Variants in CNTN5 observed in about 807,000 individuals in gnomAD.
CNTN5 encodes contactin-5.
In CNTN5, 77 loss-of-function variants were observed where a neutral mutation model predicts 129.1. The ratio of observed to expected loss-of-function variants is 0.60; its 90% CI spans 0.50 to 0.72. CNTN5 has a LOEUF of 0.72. Among genes scored for constraint, CNTN5 ranks in the 30% least tolerant of loss-of-function variants. The pLI, the probability that CNTN5 is intolerant of heterozygous loss-of-function variation, is 0.00. For synonymous variants in CNTN5, 509 were observed against 465.6 expected (o/e 1.09, Z -1.20); for missense variants, 1,478 against 1,328.8 (o/e 1.11, Z -1.75).
At chr11:99,358,444 C>G (rs2136102123) in intron 2 of CNTN5, among the ~76,000 whole-genome samples, 1 of 150,890 alleles carries the variant, frequency 6.6e-6, no homozygotes, top group African/African-American at 2.4e-5. Context: ...ACCTGCAGTC[C>G]CAGTTACCAG....
chr11:99,918,598 C>A (rs951818029), intron 7 of CNTN5, among the ~76,000 whole-genome samples: 2 of 152,088 alleles, frequency 1.3e-5, no homozygotes, highest in African/African-American at 4.8e-5. Context: ...AAGTCACACA[C>A]CAATTAGCAT....
intron 4 of CNTN5, among the ~76,000 whole-genome samples, chr11:99,827,522 A>G (rs182772381): frequency 4.0e-4 from 61 of 152,318 alleles, no homozygotes; most frequent in African/African-American, 1.4e-3. Flanking sequence ...TTAAAAGGTA[A>G]AATTTAAAAC....
At position 99,934,898 on chromosome 11, in the gene CNTN5, GTATATATATATATA is replaced by G. The variant is rs200635742; in HGVS notation, c.673+18786_673+18799del. The stretch of plus-strand genomic sequence containing the variant: ...TGTGTGTGTGTGTGTGTGTGTGTGT[GTATATATATATATA>G]TATATATATATATATATATATATAT... On this transcript the variant is annotated intron_variant, in intron 7 of 24. Transcript: ENST00000524871. Among the ~76,000 whole-genome samples, 337 of 67,890 alleles carry G rather than the reference GTATATATATATATA, an allele frequency of 5.0e-3. 2 individuals are homozygous for G. The highest frequency in any genetic ancestry group is 7.5e-3 in the Middle Eastern group (1 of 134). The allele number at this position is 67,890 out of a possible 152,430, so 44.5% of individuals were successfully genotyped here.
chr11:100,100,769 G>C (rs888171636), intron 13 of CNTN5, among the ~76,000 whole-genome samples: 2 of 152,056 alleles, frequency 1.3e-5, no homozygotes, highest in Admixed American at 6.6e-5. Context: ...CTTAGAATTT[G>C]GTTAGCAGAT....
chr11:99,803,516 A>G (rs1233222358), intron 3 of CNTN5, among the ~76,000 whole-genome samples: 1 of 152,222 alleles, frequency 6.6e-6, no homozygotes. Flanking sequence ...GTATGTGCCC[A>G]GATTAAAAAT....
At chr11:100,009,930 G>T (rs868258823) in intron 9 of CNTN5, among the ~76,000 whole-genome samples, 5 of 152,126 alleles carry the variant, frequency 3.3e-5, no homozygotes, top group Admixed American at 3.3e-4. Context: ...ATTTCAAACC[G>T]GTTGGTGGCA....
At chr11:99,366,522 G>A (rs1939454029) in intron 2 of CNTN5, among the ~76,000 whole-genome samples, 1 of 152,002 alleles carries the variant, frequency 6.6e-6, no homozygotes, top group African/African-American at 2.4e-5. Context: ...AAATATTTTT[G>A]CAAAAAGACA....
intron 7 of CNTN5, among the ~76,000 whole-genome samples, chr11:99,928,377 G>A (rs1214981532): frequency 6.6e-6 from 1 of 152,178 alleles, no homozygotes; most frequent in African/African-American, 2.4e-5. Context: ...TCCCACATTT[G>A]CCTTCCACAC....
At chr11:99,940,567 A>G (rs1950412159) in intron 7 of CNTN5, among the ~76,000 whole-genome samples, 1 of 152,154 alleles carries the variant, frequency 6.6e-6, no homozygotes, top group African/African-American at 2.4e-5. Context: ...CATTATTAGT[A>G]TCCCCTTAGT....
At chr11:99,460,929 G>T (rs1209953800) in intron 2 of CNTN5, among the ~76,000 whole-genome samples, 1 of 151,876 alleles carries the variant, frequency 6.6e-6, no homozygotes, top group African/African-American at 2.4e-5. Context: ...AAGATTTGTT[G>T]AAAATTATTC....
intron 9 of CNTN5, among the ~76,000 whole-genome samples, chr11:100,035,810 A>T (rs1941962264): frequency 1.3e-5 from 2 of 151,164 alleles, no homozygotes; most frequent in South Asian, 4.2e-4. Context: ...CCACTTTTTG[A>T]TGGGGTTGTT....
intron 6 of CNTN5, among the ~76,000 whole-genome samples, chr11:99,868,021 C>T (rs929917686): frequency 1.3e-5 from 2 of 152,070 alleles, no homozygotes; most frequent in Admixed American, 6.6e-5. Context: ...TCGAGACCAG[C>T]CTGACCAACA....
At chr11:99,712,185 A>T (rs996097615) in intron 3 of CNTN5, among the ~76,000 whole-genome samples, 3 of 152,130 alleles carry the variant, frequency 2.0e-5, no homozygotes, top group Non-Finnish European at 2.9e-5. Flanking sequence ...CTGGTGTAAG[A>T]TGGTATCTCA....
At chr11:99,109,079 T>C (rs1316825231) in intron 1 of CNTN5, among the ~76,000 whole-genome samples, 1 of 151,810 alleles carries the variant, frequency 6.6e-6, no homozygotes, top group East Asian at 1.9e-4. Context: ...TATGTACATA[T>C]CTATATGTAT....
At chr11:99,047,576 T>A (rs2135162116) in intron 1 of CNTN5, among the ~76,000 whole-genome samples, 1 of 152,210 alleles carries the variant, frequency 6.6e-6, no homozygotes, top group African/African-American at 2.4e-5. Flanking sequence ...GACATCAGTT[T>A]CCAGCAATTA....
chr11:100,139,674 G>A (rs1946631916), intron 13 of CNTN5, among the ~76,000 whole-genome samples: 1 of 152,020 alleles, frequency 6.6e-6, no homozygotes, highest in South Asian at 2.1e-4. Flanking sequence ...GATCAGCCTG[G>A]CCAACATGGC....
intron 3 of CNTN5, among the ~76,000 whole-genome samples, chr11:99,743,624 ACT>A (rs1188335271): frequency 1.3e-5 from 2 of 151,882 alleles, no homozygotes; most frequent in South Asian, 2.1e-4. Flanking sequence ...CCATGAATAG[ACT>A]CTCTGTAACT....
chr11:99,799,322 A>G (rs1387235702), intron 3 of CNTN5, among the ~76,000 whole-genome samples: 2 of 151,472 alleles, frequency 1.3e-5, no homozygotes, highest in Non-Finnish European at 2.9e-5. Context: ...TCCTTATTTT[A>G]TCTCAGTTCT....
intron 2 of CNTN5, among the ~76,000 whole-genome samples, chr11:99,329,912 G>C (rs1381200583): frequency 2.0e-5 from 2 of 98,382 alleles, no homozygotes; most frequent in South Asian, 3.9e-4. Flanking sequence ...TATACAAGCA[G>C]TGACACACAC....
Sources: gnomAD v4.1 joint callset for allele counts (sites outside exome capture counted in the v4.1 genomes callset) on GRCh38, gnomAD v4.1.1 for gene constraint, MANE v1.5 for transcripts, NCBI Gene and HGNC (gene_info 2026-07-23, HGNC 2026-07-21) for gene names.